GPHN: variants seen among roughly 807,000 people sequenced by gnomAD.
GPHN encodes gephyrin.
GPHN carries 17 observed loss-of-function variants against 95.5 expected under a neutral mutation model. That is an observed-to-expected ratio of 0.18 (90% CI 0.12 to 0.27). GPHN has a LOEUF of 0.27. Ranked by LOEUF, GPHN falls within the 10% of genes least tolerant of loss-of-function variation. The pLI is 1.00. For missense variants in GPHN, 660 were observed against 978.1 expected (o/e 0.67, Z 4.34); for synonymous variants, 320 against 322.5 (o/e 0.99, Z 0.08).
chr14:67,176,086 T>C (rs1266471555), intron 21 of GPHN, among the ~76,000 whole-genome samples: 1 of 152,188 alleles, frequency 6.6e-6, no homozygotes, highest in Non-Finnish European at 1.5e-5. Context: ...CTTGCCTGAT[T>C]GCCCTGGCCA....
At chr14:67,653,605 C>A in the GPHN span, 1 of 1,004,500 alleles carries the variant, frequency 1.0e-6, no homozygotes, top group East Asian at 2.6e-5. Flanking sequence ...TTGAAAAATT[C>A]CAAGAAATCA....
intron 20 of GPHN, 105 bp downstream of exon 20, chr14:67,165,331 A>G (rs749220699): frequency 6.7e-6 from 5 of 742,986 alleles, no homozygotes; most frequent in Non-Finnish European, 7.3e-6. Context: ...ACCTGGGCTC[A>G]AGTCTCAGCT....
chr14:67,274,237 A>C, the GPHN span, among the ~76,000 whole-genome samples: 1 of 152,238 alleles, frequency 6.6e-6, no homozygotes, highest in East Asian at 1.9e-4. Flanking sequence ...GTTTTCTTCT[A>C]GGGTTTTTCT....
chr14:67,281,812 T>A, the GPHN span, among the ~76,000 whole-genome samples: 1 of 150,172 alleles, frequency 6.7e-6, no homozygotes, highest in Non-Finnish European at 1.5e-5. Context: ...TTCTCTTAAT[T>A]TTTTTTTTTT....
At chr14:66,941,856 A>T (rs1415582911) in intron 8 of GPHN, among the ~76,000 whole-genome samples, 1 of 152,224 alleles carries the variant, frequency 6.6e-6, no homozygotes, top group East Asian at 1.9e-4. Context: ...TTTTGTTCAC[A>T]GTATACCTTA....
chr14:67,727,026 C>T, the GPHN span: 1 of 1,613,628 alleles, frequency 6.2e-7, no homozygotes, highest in Non-Finnish European at 8.5e-7. Context: ...CTAAAGGTGT[C>T]TGCCCCTGCA....
chr14:67,439,569 C>CTTTCTTTCTT, the GPHN span, among the ~76,000 whole-genome samples: 2 of 138,708 alleles, frequency 1.4e-5, no homozygotes, highest in African/African-American at 6.3e-5. Flanking sequence ...TTCTTTCTTT[C>CTTTCTTTCTT]TTTCTTTCTT....
the GPHN span, among the ~76,000 whole-genome samples, chr14:67,306,875 A>G: frequency 6.6e-6 from 1 of 152,198 alleles, no homozygotes; most frequent in African/African-American, 2.4e-5. Context: ...ATTAGAACCA[A>G]TTTATTGAGT....
chr14:67,586,490 C>A, the GPHN span: 2 of 1,062,068 alleles, frequency 1.9e-6, no homozygotes, highest in Non-Finnish European at 1.3e-6. Flanking sequence ...TCTGCTGACC[C>A]AACATTAGCT....
At chr14:67,057,656 C>A (rs1381784512) in intron 10 of GPHN, among the ~76,000 whole-genome samples, 5 of 152,032 alleles carry the variant, frequency 3.3e-5, no homozygotes, top group African/African-American at 1.2e-4. Flanking sequence ...CCCTCTTTTT[C>A]TTTCTCCTTC....
At chr14:66,587,980 C>T (rs1045852724) in intron 1 of GPHN, among the ~76,000 whole-genome samples, 3 of 152,178 alleles carry the variant, frequency 2.0e-5, no homozygotes, top group Admixed American at 1.3e-4. Context: ...ACACCTCATA[C>T]AGGAGAGCTC....
At chr14:66,971,232 G>T (rs1355983182) in intron 9 of GPHN, among the ~76,000 whole-genome samples, 1 of 152,202 alleles carries the variant, frequency 6.6e-6, no homozygotes, top group Non-Finnish European at 1.5e-5. Flanking sequence ...GGAGGCTGAG[G>T]CAGGAGATTC....
chr14:67,113,252 T>C (rs899911513), intron 16 of GPHN, 81 bp downstream of exon 16: 17 of 1,207,750 alleles, frequency 1.4e-5, no homozygotes, highest in Non-Finnish European at 1.7e-5. Flanking sequence ...GTGTTGTAAA[T>C]AGAATGTTGT....
intron 4 of GPHN, among the ~76,000 whole-genome samples, chr14:66,848,522 G>A (rs888975943): frequency 6.6e-6 from 1 of 152,026 alleles, no homozygotes; most frequent in South Asian, 2.1e-4. Context: ...TTACCAACAA[G>A]AAAACTGGTT....
At chr14:67,582,340 G>A in the GPHN span, 2 of 1,498,694 alleles carry the variant, frequency 1.3e-6, no homozygotes, top group Non-Finnish European at 1.8e-6. This position sits in a 1 kb window ranked among gnomAD's most constrained non-coding sequence, Gnocchi z 5.0. Context: ...GCCATCTCTG[G>A]GATGGAAAGC....
At chr14:67,085,409 A>G (rs1292564047) in intron 11 of GPHN, among the ~76,000 whole-genome samples, 1 of 152,258 alleles carries the variant, frequency 6.6e-6, no homozygotes, top group Non-Finnish European at 1.5e-5. Context: ...TTGCAAAAGC[A>G]GAAGATAATC....
the GPHN span, chr14:67,302,358 A>G: frequency 7.9e-7 from 1 of 1,266,700 alleles, no homozygotes; most frequent in Admixed American, 3.3e-5. Context: ...ATAAATGCTT[A>G]ACAAAAATTG....
the GPHN span, chr14:67,568,994 G>C: frequency 1.7e-6 from 1 of 595,624 alleles, no homozygotes; most frequent in East Asian, 2.8e-5. Flanking sequence ...CAGAAATGAA[G>C]TAACTTGCCC....
chr14:67,687,696 CCTGACCT>C, the GPHN span, among the ~76,000 whole-genome samples: 1 of 151,858 alleles, frequency 6.6e-6, no homozygotes, highest in Non-Finnish European at 1.5e-5. Flanking sequence ...GTCTTGAACT[CCTGACCT>C]CAGGTGATCT....
Sources: gnomAD v4.1 joint callset for allele counts (sites outside exome capture counted in the v4.1 genomes callset) on GRCh38, gnomAD v4.1.1 for gene constraint, Gnocchi (gnomAD v3.1) non-coding constraint, MANE v1.5 for transcripts, NCBI Gene and HGNC (gene_info 2026-07-23, HGNC 2026-07-21) for gene names.